The following UGT1A8 variants were observed in gnomAD, a reference collection of about 807,000 sequenced individuals.
UGT1A8 encodes the protein UDP glucuronosyltransferase family 1 member A8.
In UGT1A8, 39 loss-of-function variants were observed where a neutral mutation model predicts 45.3. That is an observed-to-expected ratio of 0.86 (90% confidence interval 0.67 to 1.12). UGT1A8 has a LOEUF of 1.12. UGT1A8 is among the 50% of genes most tolerant of loss of function. UGT1A8 has a pLI of 0.00. For synonymous variants in UGT1A8, 275 were observed against 249.2 expected, an observed-to-expected ratio of 1.10 and a Z score of -0.97; for missense variants, 719 against 664.9, an observed-to-expected ratio of 1.08 and a Z score of -0.90.
chr2:233,693,461 T>C (rs557551651), intron 1 of UGT1A8: 33 of 1,614,158 alleles, frequency 2.0e-5, no homozygotes, highest in South Asian at 7.7e-5. Context: ...AGACCCAGCC[T>C]TACCCTGTGG....
intron 1 of UGT1A8, among the ~76,000 whole-genome samples, chr2:233,664,395 G>T (rs969665385): frequency 6.6e-6 from 1 of 152,082 alleles, no homozygotes; most frequent in Non-Finnish European, 1.5e-5. Flanking sequence ...ACTATTTTCT[G>T]TTGGTACCAA....
At chr2:233,736,387 T>C (rs1375947761) in intron 1 of UGT1A8, among the ~76,000 whole-genome samples, 2 of 152,190 alleles carry the variant, frequency 1.3e-5, no homozygotes, top group African/African-American at 2.4e-5. Flanking sequence ...TTCTCTACAG[T>C]GTTTATTCTA....
In UGT1A8 at chr2:233,693,735, T is replaced by A. The variant is rs375588110; in HGVS notation, c.856-73299T>A. 4.6e-5 allele frequency: 74 copies of A among 1,614,106 alleles called. No individual in the cohort carries two copies. The highest frequency in any genetic ancestry group is 3.3e-5 in the South Asian group (3 of 91,090). ...GTCCTCAAGAGAGATGTGGATATAA[T>A]CACCTTATATCAGAAGGTCTCTGTT... is the stretch of plus-strand genomic sequence containing the variant. On this transcript the variant is annotated intron_variant, in intron 1 of 4. Transcript: ENST00000373450.
At chr2:233,629,892 A>T (rs17864676) in intron 1 of UGT1A8, among the ~76,000 whole-genome samples, 368 of 152,160 alleles carry the variant, frequency 2.4e-3, no homozygotes, top group Non-Finnish European at 4.6e-3. Flanking sequence ...ATTCTATCTA[A>T]GTTGTAGACT....
chr2:233,750,185 T>G (rs1694383410), intron 1 of UGT1A8, among the ~76,000 whole-genome samples: 1 of 151,838 alleles, frequency 6.6e-6, no homozygotes, highest in African/African-American at 2.4e-5. Flanking sequence ...GATAATGTTG[T>G]GGACAATGAA....
intron 2 of UGT1A8, among the ~76,000 whole-genome samples, chr2:233,767,607 T>A (rs990795456): frequency 1.3e-5 from 2 of 152,144 alleles, no homozygotes; most frequent in African/African-American, 4.8e-5. Flanking sequence ...AGTGAAAAAA[T>A]CCTAAGTGCA....
chr2:233,668,162 C>G (rs529403575), intron 1 of UGT1A8, among the ~76,000 whole-genome samples: 1 of 152,104 alleles, frequency 6.6e-6, no homozygotes, highest in South Asian at 2.1e-4. Context: ...CCCATTAACT[C>G]GTCATTTACA....
chr2:233,719,298 G>A (rs1399021133), intron 1 of UGT1A8: 3 of 1,613,874 alleles, frequency 1.9e-6, no homozygotes, highest in Non-Finnish European at 2.5e-6. Flanking sequence ...CTGTGGGGCG[G>A]TGCTGGCTAA....
chr2:233,621,137 G>A (rs1230739416), intron 1 of UGT1A8, among the ~76,000 whole-genome samples: 3 of 152,088 alleles, frequency 2.0e-5, no homozygotes, highest in African/African-American at 7.2e-5. Flanking sequence ...CATCTCCAAC[G>A]TCAGGGATCA....
chr2:233,718,643 C>T, intron 1 of UGT1A8: 1 of 1,485,946 alleles, frequency 6.7e-7, no homozygotes, highest in South Asian at 1.3e-5. Context: ...AGGGTTGGGC[C>T]CATAACGAAA....
At chr2:233,667,034 T>C (rs2074093720) in intron 1 of UGT1A8, among the ~76,000 whole-genome samples, 2 of 152,194 alleles carry the variant, frequency 1.3e-5, no homozygotes. Flanking sequence ...CACATTTTCT[T>C]AATCCAGTCT....
chr2:233,693,033 G>A lies in UGT1A8; in HGVS notation c.856-74001G>A, dbSNP rs377223787. ...GCCTGCCTCCTTCGCTCATTTCAGA[G>A]AATTTCTGCAGGGGTTTTCTTCTTA... On this transcript the variant is annotated intron_variant, in intron 1 of 4. Transcript: ENST00000373450. The A allele has an allele frequency of 1.8e-4, 295 of 1,614,054 alleles. No homozygotes were observed. Among genetic ancestry groups the A allele is most frequent in the Non-Finnish European group, 2.4e-4 (283 of 1,180,042 alleles).
chr2:233,643,200 G>A (rs1365475481), intron 1 of UGT1A8, among the ~76,000 whole-genome samples: 2 of 152,202 alleles, frequency 1.3e-5, no homozygotes, highest in East Asian at 3.9e-4. Flanking sequence ...AGGGACTAGA[G>A]TCAAAAACCT....
chr2:233,702,615 A>T (rs1053015833), intron 1 of UGT1A8, among the ~76,000 whole-genome samples: 1 of 152,126 alleles, frequency 6.6e-6, no homozygotes, highest in Admixed American at 6.6e-5. Flanking sequence ...TGCCCCCCAC[A>T]TTATGAGATT....
At chr2:233,691,242 A>G in intron 1 of UGT1A8, 2 of 985,500 alleles carry the variant, frequency 2.0e-6, no homozygotes, top group Non-Finnish European at 1.2e-6. Flanking sequence ...TGCTATCTAG[A>G]TGAACTCAAA....
chr2:233,748,300 T>C lies in UGT1A8; in HGVS notation c.856-18734T>C, dbSNP rs533693857. ...AAGAAGAGGCAGACATGAATGTTTA[T>C]CAAAGGATGGACTAGGACTGATGTG... On this transcript the variant is annotated intron_variant, in intron 1 of 4. Transcript: ENST00000373450. Among the ~76,000 whole-genome samples, 169 of 151,842 alleles carry C rather than the reference T, an allele frequency of 1.1e-3. 1 individual carries two copies. Among genetic ancestry groups the C allele is most frequent in the Non-Finnish European group, 1.3e-3 (90 of 68,016 alleles).
intron 1 of UGT1A8, among the ~76,000 whole-genome samples, chr2:233,655,693 G>C (rs2073838625): frequency 6.6e-6 from 1 of 152,186 alleles, no homozygotes; most frequent in South Asian, 2.1e-4. Context: ...CTGAAGCAAG[G>C]ACGCCTCTCT....
chr2:233,725,586 A>C (rs1194596370), intron 1 of UGT1A8, among the ~76,000 whole-genome samples: 1 of 152,166 alleles, frequency 6.6e-6, no homozygotes, highest in Non-Finnish European at 1.5e-5. Flanking sequence ...TTATGACTTA[A>C]CTATTTGACA....
intron 1 of UGT1A8, among the ~76,000 whole-genome samples, chr2:233,759,217 A>T (rs1421776019): frequency 1.3e-5 from 2 of 152,292 alleles, no homozygotes; most frequent in East Asian, 3.9e-4. Flanking sequence ...AGGTCCATTT[A>T]TGCAAATGAA....
Sources: gnomAD v4.1 joint callset for allele counts (sites outside exome capture counted in the v4.1 genomes callset) on GRCh38, gnomAD v4.1.1 for gene constraint, MANE v1.5 for transcripts, NCBI Gene and HGNC (gene_info 2026-07-23, HGNC 2026-07-21) for gene names.